The following FGF12 variants were observed in gnomAD, a reference collection of about 807,000 sequenced individuals.
The protein encoded by FGF12 is fibroblast growth factor 12B.
FGF12 carries 14 observed loss-of-function variants against 23.6 expected under a neutral mutation model. The observed-to-expected ratio is 0.59, with a 90% CI of 0.39 to 0.93. FGF12 has a LOEUF of 0.93. Among genes scored for constraint, FGF12 ranks in the 40% least tolerant of loss-of-function variants. The pLI is 0.00. For synonymous variants in FGF12, 62 were observed against 77.3 expected (o/e 0.80, Z 1.04); for missense variants, 175 against 217.8 (o/e 0.80, Z 1.24).
chr3:192,381,344 T>C (rs1031230319), intron 2 of FGF12, among the ~76,000 whole-genome samples: 1 of 152,048 alleles, frequency 6.6e-6, no homozygotes, highest in African/African-American at 2.4e-5. Flanking sequence ...CAAGCAAAAA[T>C]TATATCCTAA....
chr3:192,176,065 T>C (rs978509024), intron 4 of FGF12, among the ~76,000 whole-genome samples: 4 of 152,126 alleles, frequency 2.6e-5, no homozygotes, highest in African/African-American at 9.7e-5. Flanking sequence ...ATAAACACCA[T>C]CAAGGATAAA....
intron 4 of FGF12, among the ~76,000 whole-genome samples, chr3:192,178,799 A>G (rs1716004927): frequency 6.6e-6 from 1 of 152,178 alleles, no homozygotes; most frequent in South Asian, 2.1e-4. Context: ...CGCCAGGTCT[A>G]AACTCTTTTT....
At chr3:192,147,320 A>G (rs927389747) in intron 5 of FGF12, among the ~76,000 whole-genome samples, 4 of 152,228 alleles carry the variant, frequency 2.6e-5, no homozygotes, top group African/African-American at 9.6e-5. Context: ...CTGAATTACA[A>G]TATAATTTAA....
intron 4 of FGF12, among the ~76,000 whole-genome samples, chr3:192,284,811 A>T (rs1486467929): frequency 6.6e-6 from 1 of 152,034 alleles, no homozygotes; most frequent in East Asian, 1.9e-4. Flanking sequence ...GGAAGTGTTG[A>T]AATAAGTTCC....
chr3:192,258,762 T>C (rs1030938265), intron 4 of FGF12, among the ~76,000 whole-genome samples: 4 of 152,144 alleles, frequency 2.6e-5, no homozygotes, highest in Non-Finnish European at 5.9e-5. Flanking sequence ...TAATGATATA[T>C]GAAAGAAATT....
chr3:192,312,506 C>T (rs1481652923), intron 4 of FGF12, among the ~76,000 whole-genome samples: 1 of 150,072 alleles, frequency 6.7e-6, no homozygotes, highest in Non-Finnish European at 1.5e-5. Context: ...TTGTGGAAAA[C>T]CCATAAGCAT....
chr3:192,690,045 T>G (rs1367415458), intron 2 of FGF12, among the ~76,000 whole-genome samples: 1 of 151,994 alleles, frequency 6.6e-6, no homozygotes. Context: ...AAAAATACAT[T>G]ACATAGCAAA....
chr3:192,652,712 C>T (rs555662337), intron 2 of FGF12, among the ~76,000 whole-genome samples: 1 of 152,260 alleles, frequency 6.6e-6, no homozygotes, highest in African/African-American at 2.4e-5. Context: ...TTAGCAAGTA[C>T]TCCAGGAGAC....
At chr3:192,543,691 A>C (rs1051671319) in intron 2 of FGF12, among the ~76,000 whole-genome samples, 5 of 152,016 alleles carry the variant, frequency 3.3e-5, no homozygotes, top group Admixed American at 2.0e-4. Flanking sequence ...ACCACTGCTG[A>C]AAGTTCAAGG....
chr3:192,390,742 C>T (rs1228168333), intron 2 of FGF12, among the ~76,000 whole-genome samples: 2 of 152,072 alleles, frequency 1.3e-5, no homozygotes, highest in African/African-American at 4.8e-5. Flanking sequence ...GTCAACGAGG[C>T]GTGTGACTGA....
chr3:192,182,456 C>A (rs1294277127), intron 4 of FGF12, among the ~76,000 whole-genome samples: 1 of 152,034 alleles, frequency 6.6e-6, no homozygotes, highest in East Asian at 1.9e-4. Flanking sequence ...TAAGGATATA[C>A]CATAAGTTTT....
At chr3:192,667,968 G>C (rs1716956366) in intron 2 of FGF12, among the ~76,000 whole-genome samples, 1 of 152,102 alleles carries the variant, frequency 6.6e-6, no homozygotes, top group Non-Finnish European at 1.5e-5. Context: ...ATGTAATCTA[G>C]GGATATAATA....
intron 3 of FGF12, among the ~76,000 whole-genome samples, chr3:192,349,817 A>G (rs1718132146): frequency 6.6e-6 from 1 of 152,096 alleles, no homozygotes; most frequent in Admixed American, 6.6e-5. Flanking sequence ...TAATTTTTCA[A>G]GCTGGGCATT....
At chr3:192,452,395 G>A (rs1457212648) in intron 2 of FGF12, among the ~76,000 whole-genome samples, 1 of 144,046 alleles carries the variant, frequency 6.9e-6, no homozygotes, top group African/African-American at 2.5e-5. Context: ...TACATTAATG[G>A]ATTTGATTTG....
chr3:192,198,350 A>G (rs984950244), intron 4 of FGF12, among the ~76,000 whole-genome samples: 1 of 152,184 alleles, frequency 6.6e-6, no homozygotes, highest in Admixed American at 6.5e-5. Flanking sequence ...TTTAGTTAAT[A>G]TCTATTTTCT....
At chr3:192,165,013 G>A (rs1325518940) in intron 5 of FGF12, among the ~76,000 whole-genome samples, 1 of 152,042 alleles carries the variant, frequency 6.6e-6, no homozygotes, top group Non-Finnish European at 1.5e-5. Flanking sequence ...GTGTAGTGGT[G>A]CAATCTCAGC....
chr3:192,461,952 G>A (rs529129814), intron 2 of FGF12, among the ~76,000 whole-genome samples: 4 of 151,530 alleles, frequency 2.6e-5, no homozygotes, highest in Non-Finnish European at 2.9e-5. Context: ...ATCGCACCAC[G>A]GCACTCCAGC....
chr3:192,425,252 G>A (rs9833672), intron 2 of FGF12, among the ~76,000 whole-genome samples: 90,629 of 152,028 alleles, frequency 0.6, 27,329 homozygotes, highest in African/African-American at 0.69. Flanking sequence ...TTATGTAATA[G>A]CAGAATGAAG....
intron 4 of FGF12, among the ~76,000 whole-genome samples, chr3:192,198,231 T>A (rs1022213370): frequency 2.0e-5 from 3 of 152,206 alleles, no homozygotes; most frequent in Non-Finnish European, 4.4e-5. Context: ...AATGTTCAAC[T>A]TTTTTATGAC....
Sources: gnomAD v4.1 joint callset for allele counts (sites outside exome capture counted in the v4.1 genomes callset) on GRCh38, gnomAD v4.1.1 for gene constraint, MANE v1.5 for transcripts, NCBI Gene and HGNC (gene_info 2026-07-23, HGNC 2026-07-21) for gene names.